The following ING5 variants were observed in gnomAD, a reference collection of about 807,000 sequenced individuals.
ING5 encodes the protein inhibitor of growth protein 5.
ING5 carries 17 observed loss-of-function variants against 37.4 expected under a neutral mutation model. That is an observed-to-expected ratio of 0.45 (90% CI 0.31 to 0.68). ING5 has a LOEUF of 0.68. Among genes scored for constraint, ING5 ranks in the 30% least tolerant of loss-of-function variants. The pLI is 0.05. For synonymous variants in ING5, 123 were observed against 116.6 expected, an observed-to-expected ratio of 1.06 and a Z score of -0.36; for missense variants, 233 against 311.9, an observed-to-expected ratio of 0.75 and a Z score of 1.91.
intron 4 of ING5, 89 bp from the exon 5 acceptor site, chr2:241,711,889 A>C: frequency 8.6e-7 from 1 of 1,164,274 alleles, no homozygotes; most frequent in Non-Finnish European, 1.2e-6. Context: ...TGGGAGACAG[A>C]GCGAGACCCC....
At position 241,694,066 on chromosome 2, in the gene ING5, G is replaced by A. The variant is rs573287902; in HGVS notation, c.43+3413G>A. The A allele has an allele frequency of 1.2e-3, 187 of 151,832 alleles. 2 individuals are homozygous for A. The highest frequency in any genetic ancestry group is 4.2e-3 in the African/African-American group (175 of 41,398). 9.4% of individuals were successfully genotyped at this position (151,832 alleles called of 1,614,324 possible). On this transcript the variant is annotated intron_variant, in intron 2 of 7. Transcript: ENST00000636051. ...TCTGGGAGAGTTATATTTAATATAT[G>A]ATATGTGAGGGCCAATAACCCTTAA... is the stretch of plus-strand genomic sequence containing the variant.
intron 7 of ING5, 193 bp from the exon 8 acceptor site, chr2:241,724,796 C>T (rs1691542428): frequency 1.7e-6 from 1 of 594,304 alleles, no homozygotes. Flanking sequence ...TCAGAACCGG[C>T]GTCCTGCATA....
chr2:241,728,704 C>G lies in ING5; in HGVS notation c.*3673C>G, dbSNP rs376540155. 1 of 151,802 alleles carries G rather than the reference C, an allele frequency of 6.6e-6. No homozygotes were observed. The highest frequency in any genetic ancestry group is 2.1e-4 in the South Asian group (1 of 4,816). The allele number at this position is 151,802 out of a possible 1,614,324, so 9.4% of individuals were successfully genotyped here. On this transcript the variant is annotated 3_prime_UTR_variant, in exon 8 of 8. Transcript: ENST00000313552. ...TCTCATGCTGGACGGGACCCCTGGGCGGGTGGACATGAGACCACTGTTGGC... is the reference window on the plus strand; with the variant it reads ...TCTCATGCTGGACGGGACCCCTGGGGGGGTGGACATGAGACCACTGTTGGC...
intron 5 of ING5, chr2:241,720,323 T>G: frequency 8.2e-7 from 1 of 1,219,454 alleles, no homozygotes; most frequent in South Asian, 4.3e-5. Context: ...CCGCTCTGCC[T>G]CAAGGCAGGT....
chr2:241,718,367 C>G (rs1211022451), intron 5 of ING5, among the ~76,000 whole-genome samples: 1 of 137,574 alleles, frequency 7.3e-6, no homozygotes, highest in Non-Finnish European at 1.6e-5. Context: ...CTCCCTCCCT[C>G]CCTTCCTCCC....
rs528782249 is a variant in ING5, at chr2:241,726,763, C to A, written c.*1732C>A. ...CTACAGTGCTTCACACCCTTCGCCA[C>A]GGCTGTGAAACTGGAGATGGGTGGG... On this transcript the variant is annotated 3_prime_UTR_variant, in exon 8 of 8. Transcript: ENST00000313552. The A allele has an allele frequency of 6.6e-6, 1 of 152,232 alleles. No homozygotes were observed. The highest frequency in any genetic ancestry group is 2.4e-5 in the African/African-American group (1 of 41,434). 9.4% of individuals were successfully genotyped at this position (152,232 alleles called of 1,614,324 possible). A position where few individuals can be genotyped will look rare whatever the true frequency, so the allele number is the denominator to read the frequency against.
At chr2:241,723,594 A>G (rs1036828582) in intron 7 of ING5, among the ~76,000 whole-genome samples, 3 of 152,194 alleles carry the variant, frequency 2.0e-5, no homozygotes, top group Admixed American at 2.0e-4. Context: ...GGAGGTAGGG[A>G]TCGTCTTAAA....
intron 2 of ING5, among the ~76,000 whole-genome samples, chr2:241,693,057 G>C (rs889212178): frequency 1.3e-5 from 2 of 151,932 alleles, no homozygotes; most frequent in African/African-American, 2.4e-5. Context: ...TCAGGAGCTC[G>C]AGACCAGCCT....
chr2:241,687,321 G>A, exon 1 of ING5: 1 of 398,710 alleles, frequency 2.5e-6, no homozygotes. Context: ...CAGTGCAGGG[G>A]CTCAGCCGGG....
chr2:241,704,058 G>C (rs2069825916), intron 1 of ING5, among the ~76,000 whole-genome samples: 1 of 152,160 alleles, frequency 6.6e-6, no homozygotes. Flanking sequence ...CACTGAGGGG[G>C]GGCAGCCTAG....
chr2:241,714,871 C>T (rs1408765537), intron 5 of ING5, among the ~76,000 whole-genome samples: 1 of 152,218 alleles, frequency 6.6e-6, no homozygotes, highest in Admixed American at 6.5e-5. Context: ...GTTGAGATTA[C>T]AGGCGTGAGC....
chr2:241,722,372 T>C (rs993150199), intron 5 of ING5: 3 of 984,860 alleles, frequency 3.0e-6, no homozygotes, highest in Non-Finnish European at 3.6e-6. Context: ...GAGATGAGAG[T>C]GGACTCGTCC....
At chr2:241,720,980 A>G (rs2070419432) in intron 5 of ING5, 2 of 985,582 alleles carry the variant, frequency 2.0e-6, no homozygotes, top group Admixed American at 1.2e-4. Context: ...CCTCTCCCAC[A>G]GCCATCAAAT....
Position 241,704,662 on chromosome 2 carries a change from A to C in ING5, c.47A>C (p.Asn16Thr), listed in dbSNP as rs1165257224. ...TGTTTTTGCGTTTCAGGTATCGAGA[A>C]CCTTCCCTGCGAACTTCAGAGGAAC... ...YLEHYLDSIE[N>T]LPCELQRNFQ... Residue 16 changes from asparagine (N) to threonine (T), a missense_variant, in exon 2 of 8, where the codon AAC (asparagine) becomes ACC (threonine). Transcript: ENST00000313552. 2 of 1,614,018 alleles carry C rather than the reference A, an allele frequency of 1.2e-6. No individual in the cohort carries two copies. Among genetic ancestry groups the C allele is most frequent in the Non-Finnish European group, 1.7e-6 (2 of 1,179,992 alleles).
rs1384351766 is a variant in ING5 at position 241,729,304 on chromosome 2, A to T, written c.*4273A>T. 1 of 152,638 alleles carries T rather than the reference A, an allele frequency of 6.6e-6. No homozygotes were observed. Among genetic ancestry groups the T allele is most frequent in the African/African-American group, 2.4e-5 (1 of 41,448 alleles). 9.5% of individuals were successfully genotyped at this position (152,638 alleles called of 1,614,324 possible). ...CATCCAAAACGATGATGCAGCTTTA[A>T]CATGAATGTTACATTTTTATTTTCA... On this transcript the variant is annotated 3_prime_UTR_variant, in exon 8 of 8. Transcript: ENST00000313552.
intron 1 of ING5, among the ~76,000 whole-genome samples, chr2:241,702,482 C>A (rs952749956): frequency 2.0e-5 from 3 of 152,186 alleles, no homozygotes; most frequent in Admixed American, 6.5e-5. Flanking sequence ...GTCCCTGTCC[C>A]GTCTGCAGGA....
intron 5 of ING5, among the ~76,000 whole-genome samples, chr2:241,713,291 C>G (rs1445837220): frequency 6.6e-6 from 1 of 151,380 alleles, no homozygotes; most frequent in African/African-American, 2.4e-5. Context: ...CTCCTGACCT[C>G]AGGTGATCCA....
upstream of ING5, among the ~76,000 whole-genome samples, chr2:241,699,038 T>TTGGGG (rs1553580196): frequency 1.1e-4 from 15 of 139,140 alleles, no homozygotes; most frequent in African/African-American, 3.9e-4. Flanking sequence ...AATTTTTTTT[T>TTGGGG]GGGGGGGGAG....
intron 5 of ING5, chr2:241,722,073 G>A (rs1025462465): frequency 5.1e-6 from 5 of 985,420 alleles, no homozygotes. Context: ...GGTTGAGTCA[G>A]TATTGGGGCA....
Sources: gnomAD v4.1 joint callset for allele counts (sites outside exome capture counted in the v4.1 genomes callset) on GRCh38, gnomAD v4.1.1 for gene constraint, MANE v1.5 for transcripts, NCBI Gene and HGNC (gene_info 2026-07-23, HGNC 2026-07-21) for gene names.